The following GABRA1 variants were observed in gnomAD, a reference collection of about 807,000 sequenced individuals.
GABRA1 encodes gamma-aminobutyric acid receptor subunit alpha-1.
Under a neutral mutation model 48.9 loss-of-function variants are expected in GABRA1, and 9 were observed. The ratio of observed to expected loss-of-function variants is 0.18; its 90% CI spans 0.11 to 0.32. GABRA1 has a LOEUF of 0.32. Among genes scored for constraint, GABRA1 ranks in the 10% least tolerant of loss-of-function variants. GABRA1 has a pLI of 1.00. For synonymous variants in GABRA1, 210 were observed against 198.7 expected, an observed-to-expected ratio of 1.06 and a Z score of -0.48; for missense variants, 285 against 553.8, an observed-to-expected ratio of 0.51 and a Z score of 4.87.
At chr5:161,879,987 A>C (rs573120975) in intron 6 of GABRA1, among the ~76,000 whole-genome samples, 23 of 152,338 alleles carry the variant, frequency 1.5e-4, no homozygotes, top group Non-Finnish European at 2.9e-4. Flanking sequence ...AAATGACACA[A>C]GATCTAGACT....
chr5:161,856,527 T>C (rs1291269707), intron 3 of GABRA1, among the ~76,000 whole-genome samples: 2 of 151,290 alleles, frequency 1.3e-5, no homozygotes, highest in Non-Finnish European at 3.0e-5. Context: ...CAATGCCTTT[T>C]GAGGGTATGA....
chr5:161,887,426 A>G (rs1417139349), intron 7 of GABRA1, among the ~76,000 whole-genome samples: 1 of 151,996 alleles, frequency 6.6e-6, no homozygotes, highest in Admixed American at 6.6e-5. Flanking sequence ...AATTATAACT[A>G]TAGAATGTAA....
intron 1 of GABRA1, among the ~76,000 whole-genome samples, chr5:161,849,474 G>A (rs889763768): frequency 6.6e-6 from 1 of 152,110 alleles, no homozygotes; most frequent in African/African-American, 2.4e-5. Context: ...TTAAGGAAAA[G>A]CTATGACGAG....
At chr5:161,882,203 A>C in intron 6 of GABRA1, 1 of 341,850 alleles carries the variant, frequency 2.9e-6, no homozygotes, top group Non-Finnish European at 5.6e-6. Context: ...TATCACACTT[A>C]TCTCTACTTG....
chr5:161,882,338 G>T lies in GABRA1; in HGVS notation c.560-220G>T, dbSNP rs1754652346. Reference sequence around the variant, plus strand: ...CCAGCACAGTATTTTGTCCTTTGTAGATCCTTATAACCATTTGTTGGAAGA... The same window carrying T: ...CCAGCACAGTATTTTGTCCTTTGTATATCCTTATAACCATTTGTTGGAAGA... On this transcript the variant is annotated intron_variant, in intron 6 of 9. Transcript: ENST00000393943. 2.1e-5 allele frequency: 12 copies of T among 574,046 alleles called. No individual in the cohort carries two copies. In the South Asian group the frequency reaches 2.4e-4, roughly 12 times the overall value. 35.6% of individuals were successfully genotyped at this position (574,046 alleles called of 1,614,324 possible).
chr5:161,895,518 T>A (rs759308471), intron 8 of GABRA1, 148 bp from the exon 9 acceptor site: 143 of 719,352 alleles, frequency 2.0e-4, no homozygotes, highest in Non-Finnish European at 3.2e-4. Flanking sequence ...AAATTAAGAC[T>A]CATCAATTCT....
chr5:161,874,634 A>G (rs556760202), intron 5 of GABRA1, among the ~76,000 whole-genome samples: 1 of 152,252 alleles, frequency 6.6e-6, no homozygotes, highest in South Asian at 2.1e-4. Flanking sequence ...ATGTGTTTTT[A>G]CTTTCTTTAA....
intron 2 of GABRA1, among the ~76,000 whole-genome samples, chr5:161,852,368 G>A (rs561621107): frequency 2.0e-5 from 3 of 152,122 alleles, no homozygotes; most frequent in African/African-American, 7.2e-5. Context: ...ATTTAGTCAT[G>A]TTACCCCATT....
chr5:161,873,903 T>C (rs1046308204), intron 5 of GABRA1, among the ~76,000 whole-genome samples: 7 of 152,200 alleles, frequency 4.6e-5, no homozygotes, highest in Non-Finnish European at 1.0e-4. Context: ...AAGATTGCTG[T>C]AAAGCTTAGC....
chr5:161,896,845 A>G (rs1451051759), intron 9 of GABRA1, among the ~76,000 whole-genome samples: 1 of 152,218 alleles, frequency 6.6e-6, no homozygotes, highest in African/African-American at 2.4e-5. Context: ...TAGTTAAACA[A>G]ATGCATTAGA....
At chr5:161,872,011 A>G (rs73314905) in intron 4 of GABRA1, among the ~76,000 whole-genome samples, 26,540 of 152,134 alleles carry the variant, frequency 0.17, 3,049 homozygotes, top group African/African-American at 0.32. Context: ...AAACTCCTAA[A>G]CACATACATT....
chr5:161,884,355 A>T (rs898051718), intron 7 of GABRA1, among the ~76,000 whole-genome samples: 1 of 152,152 alleles, frequency 6.6e-6, no homozygotes, highest in African/African-American at 2.4e-5. Flanking sequence ...ATGGAACTTG[A>T]AGTCTAAAAG....
chr5:161,894,411 G>C lies in GABRA1; in HGVS notation c.857-1255G>C, dbSNP rs371351317. On this transcript the variant is annotated intron_variant, in intron 8 of 9. Transcript: ENST00000393943. ...ACAAGTCATTGCATTTAATCCTCATGATAGTCTTTTGAGTGAGTGAGCAAA... is the reference window on the plus strand; with the variant it reads ...ACAAGTCATTGCATTTAATCCTCATCATAGTCTTTTGAGTGAGTGAGCAAA... Among the ~76,000 whole-genome samples, 3 of 152,232 alleles carry C rather than the reference G, an allele frequency of 2.0e-5. No individual in the cohort carries two copies. In the South Asian group the frequency reaches 6.2e-4, roughly 32 times the overall value.
chr5:161,860,651 T>C (rs951287456), intron 3 of GABRA1, among the ~76,000 whole-genome samples: 7 of 151,760 alleles, frequency 4.6e-5, no homozygotes, highest in Admixed American at 2.6e-4. Flanking sequence ...TGGATTGTTT[T>C]TAACATGAAG....
intron 6 of GABRA1, 173 bp from the exon 7 acceptor site, chr5:161,882,385 A>C (rs1334939006): frequency 3.1e-6 from 2 of 642,318 alleles, no homozygotes; most frequent in African/African-American, 1.8e-5. Flanking sequence ...ACTAAAAAAA[A>C]AAAATCAGAA....
At chr5:161,892,000 A>T (rs1448505231) in intron 8 of GABRA1, among the ~76,000 whole-genome samples, 1 of 152,220 alleles carries the variant, frequency 6.6e-6, no homozygotes, top group East Asian at 1.9e-4. Flanking sequence ...GGAACAACAG[A>T]TTAAGTAATC....
Position 161,876,058 on chromosome 5 carries a change from T to C in GABRA1, c.559+416T>C, listed in dbSNP as rs187916045. Among the ~76,000 whole-genome samples, 451 of 152,198 alleles carry C rather than the reference T, an allele frequency of 3.0e-3. 4 individuals carry two copies. The highest frequency in any genetic ancestry group is 3.3e-3 in the Admixed American group (50 of 15,266). On this transcript the variant is annotated intron_variant, in intron 6 of 9. Transcript: ENST00000393943. The stretch of plus-strand genomic sequence containing the variant: ...TTTACCAGATTAAAGTGTTGGTAAA[T>C]GGCAAAGGACAGTAAGTGTTTCTTA...
At chr5:161,872,483 CT>C (rs747449516) in intron 4 of GABRA1, among the ~76,000 whole-genome samples, 4 of 151,886 alleles carry the variant, frequency 2.6e-5, no homozygotes, top group Non-Finnish European at 5.9e-5. Context: ...TGTTCTTTTT[CT>C]TTTTGAAAAG....
intron 7 of GABRA1, among the ~76,000 whole-genome samples, chr5:161,889,449 T>C (rs1280042881): frequency 6.6e-6 from 1 of 152,012 alleles, no homozygotes. Flanking sequence ...GTCAAATTCA[T>C]TTGCTTCCAA....
Sources: allele counts gnomAD v4.1 joint callset (sites outside exome capture counted in the v4.1 genomes callset), GRCh38; gene constraint gnomAD v4.1.1; transcripts MANE v1.5; gene names NCBI Gene and HGNC (gene_info 2026-07-23, HGNC 2026-07-21).